Variants in NBEAL2 observed in about 807,000 individuals in gnomAD.
NBEAL2 encodes the protein neurobeachin like 2, also known as neurobeachin-like protein 2.
Under a neutral mutation model 299.8 loss-of-function variants are expected in NBEAL2, and 160 were observed. The observed-to-expected ratio is 0.53, with a 90% CI of 0.47 to 0.61. NBEAL2 has a LOEUF of 0.61. NBEAL2 is among the 20% of genes least tolerant of loss of function. NBEAL2 has a pLI of 0.00. For synonymous variants in NBEAL2, 1,493 were observed against 1,542.3 expected, an observed-to-expected ratio of 0.97 and a Z score of 0.75; for missense variants, 3,112 against 3,649.0, an observed-to-expected ratio of 0.85 and a Z score of 3.79.
chr3:46,999,993 A>G lies in NBEAL2; in HGVS notation c.3894A>G (p.Thr1298=). The G allele has an allele frequency of 1.2e-6, 2 of 1,612,214 alleles. No homozygotes were observed. The highest frequency in any genetic ancestry group is 1.7e-6 in the Non-Finnish European group (2 of 1,179,802). The part of the protein sequence containing the change: ...LTRLYVLEAA[T]AGSPPPSSPE... ...GGCTATATGTCCTGGAGGCTGCCAC[A>G]GCCGGCAGCCCCCCTCCGTCTTCCC... Residue 1298 remains threonine, a synonymous_variant, in exon 27 of 54, where the codon ACA becomes ACG. Transcript: ENST00000450053.
In NBEAL2 at chr3:47,001,884, G is replaced by A. The variant is rs1448327011; in HGVS notation, c.4783-36G>A. ...GTGTGAGATGTCGGGAGCTCCAAGA[G>A]TGGCTGGGTGCCACTCATCTCTCTT... On this transcript the variant is annotated intron_variant, in intron 30 of 53. Coordinates refer to ENST00000450053, the MANE Select transcript of NBEAL2 (RefSeq NM_015175.3). The surrounding 1 kb of genome is among the most constrained non-coding windows in gnomAD (Gnocchi z 6.1). The A allele has an allele frequency of 1.9e-6, 3 of 1,607,480 alleles. No individual in the cohort carries two copies. Among genetic ancestry groups the A allele is most frequent in the Non-Finnish European group, 2.6e-6 (3 of 1,175,350 alleles).
chr3:46,988,805 G>A lies in NBEAL2; in HGVS notation c.141-37G>A, dbSNP rs373383078. 5.6e-6 allele frequency: 9 copies of A among 1,604,114 alleles called. No individual in the cohort carries two copies. Among genetic ancestry groups the A allele is most frequent in the Non-Finnish European group, 7.7e-6 (9 of 1,172,002 alleles). ...GGCAGGGACAGAGCAGGGAGATTGA[G>A]GGGTCCTCAGCACCCGTGTCTCCCC... On this transcript the variant is annotated intron_variant, in intron 2 of 53. Coordinates refer to ENST00000450053, the MANE Select transcript of NBEAL2 (RefSeq NM_015175.3). This position sits in a 1 kb window ranked among gnomAD's most constrained non-coding sequence, Gnocchi z 4.4.
At chr3:47,008,743 C>G in intron 52 of NBEAL2, 75 bp downstream of exon 52, 1 of 1,583,782 alleles carries the variant, frequency 6.3e-7, no homozygotes, top group South Asian at 1.1e-5. Flanking sequence ...CCTAGGAACC[C>G]ACACACCATA....
In NBEAL2 at chr3:47,009,218, G is replaced by A. The variant is rs2107465570; in HGVS notation, c.8164-1G>A. The A allele has an allele frequency of 1.3e-6, 2 of 1,593,326 alleles. No individual in the cohort carries two copies. The highest frequency in any genetic ancestry group is 1.7e-6 in the Non-Finnish European group (2 of 1,171,654). ...TCCTACTCAACCCTTACGCCCACCA[G>A]GTGCGCAGCAGCCAGTTCGCGCGGA... On this transcript the variant is annotated splice_acceptor_variant, in intron 53 of 53. Transcript: ENST00000450053. LOFTEE classifies it high-confidence loss of function.
Position 47,000,505 on chromosome 3 carries a change from T to G in NBEAL2, c.4305+101T>G. On this transcript the variant is annotated intron_variant, in intron 27 of 53. Coordinates refer to ENST00000450053, the MANE Select transcript of NBEAL2 (RefSeq NM_015175.3). This position sits in a 1 kb window ranked among gnomAD's most constrained non-coding sequence, Gnocchi z 4.5. ...GCCTCTCCAAAGGTGTGGCCCTGTC[T>G]GACCAGGGTTGCAGCCACTGGTCAG... 1 of 1,444,152 alleles carries G rather than the reference T, an allele frequency of 6.9e-7. No homozygotes were observed. Among genetic ancestry groups the G allele is most frequent in the Non-Finnish European group, 9.3e-7 (1 of 1,074,600 alleles). The allele number at this position is 1,444,152 out of a possible 1,614,324, so 89.5% of individuals were successfully genotyped here. A position where few individuals can be genotyped will look rare whatever the true frequency, so the allele number is the denominator to read the frequency against.
Position 46,995,525 on chromosome 3 carries a change from G to A in NBEAL2, c.1790G>A (p.Arg597Gln), listed in dbSNP as rs372942601. The change falls in exon 13 of 54, where the codon CGA becomes CAA. Residue 597 changes from arginine to glutamine, a missense_variant. Physicochemically the swap from Arg to Gln is conservative, Grantham distance 43. Around this residue, in one of 3 missense-constraint regions of NBEAL2, gnomAD observed 2,243 missense variants for 2,538.1 expected, o/e 0.88. Transcript: ENST00000450053. ...GGCATCATGGTACCCCCTGTACAGC[G>A]ATGGCCAGGGCCTGGCTTCACCTTT... ...MAGIMVPPVQ[R>Q]WPGPGFTFHA... 32 of 1,612,830 alleles carry A rather than the reference G, an allele frequency of 2.0e-5. No homozygotes were observed. The highest frequency in any genetic ancestry group is 2.2e-5 in the Non-Finnish European group (26 of 1,179,890).
In NBEAL2 at chr3:46,998,486, A is replaced by G; in HGVS notation, c.3142A>G (p.Ile1048Val). 3 of 1,613,310 alleles carry G rather than the reference A, an allele frequency of 1.9e-6. No homozygotes were observed. The highest frequency in any genetic ancestry group is 2.5e-6 in the Non-Finnish European group (3 of 1,179,730). Reference sequence around the variant, plus strand: ...AGGTCACATCCAGTACATGTCCAGCATAGTTCGGGAGCACAGACAGAAGCT... The same window carrying G: ...AGGTCACATCCAGTACATGTCCAGCGTAGTTCGGGAGCACAGACAGAAGCT... ...RLGHIQYMSSIVREHRQKLRK... is the reference protein window; with the variant it reads ...RLGHIQYMSSVVREHRQKLRK... Residue 1048 changes from isoleucine to valine, a missense_variant, in exon 22 of 54, where the codon ATA (isoleucine) becomes GTA (valine). Transcript: ENST00000450053.
At chr3:47,008,840 A>AC in intron 52 of NBEAL2, 149 bp from the exon 53 acceptor site, 2 of 1,436,344 alleles carry the variant, frequency 1.4e-6, no homozygotes, top group Non-Finnish European at 1.9e-6. Flanking sequence ...CCGCTTAGCC[A>AC]CAGTTGTGGG....
At chr3:46,992,594 G>A (rs749770277) in intron 10 of NBEAL2, 39 bp downstream of exon 10, 2 of 1,535,770 alleles carry the variant, frequency 1.3e-6, no homozygotes, top group Non-Finnish European at 1.8e-6. Context: ...CACCCCCTGG[G>A]ACTCCCTCTT....
intron 16 of NBEAL2, 60 bp downstream of exon 16, chr3:46,996,652 A>C: frequency 6.6e-7 from 1 of 1,520,016 alleles, no homozygotes; most frequent in Non-Finnish European, 8.9e-7. Context: ...GTCCGGGGGG[A>C]GAAGGCATCT....
In NBEAL2 at chr3:47,007,046, G is replaced by A. The variant is rs1221045664; in HGVS notation, c.7135-20G>A. 6.3e-7 allele frequency: 1 copy of A among 1,595,628 alleles called. No homozygotes were observed. Among genetic ancestry groups the A allele is most frequent in the Non-Finnish European group, 8.6e-7 (1 of 1,168,362 alleles). On this transcript the variant is annotated intron_variant, in intron 45 of 53. Coordinates refer to ENST00000450053, the MANE Select transcript of NBEAL2 (RefSeq NM_015175.3). ...TCTGATAGTACTCAGGCATAGCTAG[G>A]CCTGCCCTTGCCCCTGCAGGTTGTC...
At position 46,988,311 on chromosome 3, in the gene NBEAL2, C is replaced by G. The variant is rs1052706568; in HGVS notation, c.52-358C>G. Among the ~76,000 whole-genome samples, 4 of 152,156 alleles carry G rather than the reference C, an allele frequency of 2.6e-5. No homozygotes were observed. Among genetic ancestry groups the G allele is most frequent in the African/African-American group, 7.2e-5 (3 of 41,428 alleles). ...TGGGACACCTTCTCCAGCCCTAGCA[C>G]CAGTGTGGGCCACAGCCACACCCCA... On this transcript the variant is annotated intron_variant, in intron 1 of 53. Transcript: ENST00000450053. This position sits in a 1 kb window ranked among gnomAD's most constrained non-coding sequence, Gnocchi z 4.4.
Position 46,979,869 on chromosome 3 carries a change from C to T in NBEAL2, c.8C>T (p.Ala3Val), listed in dbSNP as rs1447628713. 2 of 470,030 alleles carry T rather than the reference C, an allele frequency of 4.3e-6. No homozygotes were observed. The highest frequency in any genetic ancestry group is 7.7e-6 in the Non-Finnish European group (2 of 260,852). The allele number at this position is 470,030 out of a possible 1,614,324, so 29.1% of individuals were successfully genotyped here. Residue 3 changes from alanine to valine, a missense_variant, in exon 1 of 54, where the codon GCC (alanine) becomes GTC (valine). Coordinates refer to ENST00000450053, the MANE Select transcript of NBEAL2 (RefSeq NM_015175.3). MA[A>V]SERLYELWLL... ...CCGGAGCCGGGCCGGGCCATGGCCG[C>T]CTCGGAGCGGCTGTACGAGTTGTGG... is the stretch of plus-strand genomic sequence containing the variant.
Position 47,009,461 on chromosome 3 carries a change from G to T in NBEAL2, c.*141G>T. On this transcript the variant is annotated 3_prime_UTR_variant, in exon 54 of 54. Transcript: ENST00000450053. ...CACCCTGCCCAGCTCAGGGATTGGC[G>T]GGCGATGTTACCCCCTCAGGGATTG... 1 of 801,712 alleles carries T rather than the reference G, an allele frequency of 1.2e-6. No individual in the cohort carries two copies. The highest frequency in any genetic ancestry group is 2.0e-6 in the Non-Finnish European group (1 of 501,158). 49.7% of individuals were successfully genotyped at this position (801,712 alleles called of 1,614,324 possible). A position where few individuals can be genotyped will look rare whatever the true frequency, so the allele number is the denominator to read the frequency against.
At chr3:46,987,746 A>G (rs4478107) in intron 1 of NBEAL2, among the ~76,000 whole-genome samples, 144,806 of 152,172 alleles carry the variant, frequency 0.95, 69,337 homozygotes, top group East Asian at 1. Context: ...TCCAGGCGCC[A>G]ACCTCATGCT....
intron 1 of NBEAL2, among the ~76,000 whole-genome samples, chr3:46,980,336 C>T (rs973203884): frequency 1.3e-5 from 2 of 152,122 alleles, no homozygotes; most frequent in East Asian, 3.9e-4. Context: ...CCCTTGGGCG[C>T]GGCCTGATTG....
chr3:47,005,557 C>T lies in NBEAL2; in HGVS notation c.6629C>T (p.Ala2210Val), dbSNP rs747711556. The stretch of plus-strand genomic sequence containing the variant: ...TGGCAGGCACGCCTGGAGAGCCCTG[C>T]CGATGTGAAGGAGCTCATCCCGGAA... ...AAWQARLESP[A>V]DVKELIPEFF... is the part of the protein sequence containing the mutation. Residue 2210 changes from alanine to valine, a missense_variant, in exon 41 of 54, where the codon GCC (alanine) becomes GTC (valine). Ala to Val is a moderately conservative substitution (Grantham distance 64, BLOSUM62 0). This residue lies in a region of NBEAL2 where 521 missense variants were observed against 729.6 expected (regional missense o/e 0.71). Coordinates refer to ENST00000450053, the MANE Select transcript of NBEAL2 (RefSeq NM_015175.3). 10 of 1,612,206 alleles carry T rather than the reference C, an allele frequency of 6.2e-6. No homozygotes were observed. In the South Asian group the frequency reaches 1.1e-4, roughly 18 times the overall value.
chr3:47,003,430 C>T lies in NBEAL2; in HGVS notation c.5720+121C>T. ...CCTCTTCTGCTGCCCGACTACGTCC[C>T]CCTGAAGGGACTGTCCAAAGCCAGA... On this transcript the variant is annotated intron_variant, in intron 35 of 53. Transcript: ENST00000450053. The surrounding 1 kb of genome is among the most constrained non-coding windows in gnomAD (Gnocchi z 7.0). 1 of 1,394,298 alleles carries T rather than the reference C, an allele frequency of 7.2e-7. No individual in the cohort carries two copies. The highest frequency in any genetic ancestry group is 1.4e-5 in the African/African-American group (1 of 69,632). The allele number at this position is 1,394,298 out of a possible 1,614,324, so 86.4% of individuals were successfully genotyped here. A position where few individuals can be genotyped will look rare whatever the true frequency, so the allele number is the denominator to read the frequency against.
Position 47,004,641 on chromosome 3 carries a change from C to T in NBEAL2, c.6294+51C>T. The T allele has an allele frequency of 1.3e-6, 2 of 1,554,482 alleles. No individual in the cohort carries two copies. Among genetic ancestry groups the T allele is most frequent in the Non-Finnish European group, 1.8e-6 (2 of 1,127,300 alleles). ...CACCCCTGCCCCTCTGACCTGTCAG[C>T]CCTTGGTTCCCCCAAGTGTAGGTAC... On this transcript the variant is annotated intron_variant, in intron 38 of 53. Coordinates refer to ENST00000450053, the MANE Select transcript of NBEAL2 (RefSeq NM_015175.3). The surrounding 1 kb of genome is among the most constrained non-coding windows in gnomAD (Gnocchi z 5.0).
Sources: gnomAD v4.1 joint callset for allele counts (sites outside exome capture counted in the v4.1 genomes callset) on GRCh38, gnomAD v4.1.1 for gene constraint, gnomAD v4.1.1 regional missense constraint, Gnocchi (gnomAD v3.1) non-coding constraint, MANE v1.5 for transcripts, NCBI Gene and HGNC (gene_info 2026-07-23, HGNC 2026-07-21) for gene names.